Variants in USH2A observed in about 807,000 individuals in gnomAD.
USH2A encodes the protein Usher syndrome 2A (autosomal recessive, mild).
A neutral mutation model predicts 538.9 loss-of-function variants in USH2A; 443 were observed. The observed-to-expected ratio is 0.82, with a 90% confidence interval of 0.76 to 0.89. USH2A has a LOEUF of 0.89. Ranked by LOEUF, USH2A falls within the 40% of genes least tolerant of loss-of-function variation. USH2A has a pLI of 0.00. For missense variants in USH2A, 6,633 were observed against 6,324.8 expected (o/e 1.05, Z -1.65); for synonymous variants, 2,413 against 2,273.5 (o/e 1.06, Z -1.75).
chr1:215,845,021 A>AATCAT (rs1294676145), intron 45 of USH2A, among the ~76,000 whole-genome samples: 3 of 151,648 alleles, frequency 2.0e-5, no homozygotes, highest in Admixed American at 6.5e-5. Context: ...TACCATAGGT[A>AATCAT]ATGATGAAAT....
chr1:215,768,580 T>A (rs1661195181), intron 55 of USH2A, among the ~76,000 whole-genome samples: 2 of 152,178 alleles, frequency 1.3e-5, no homozygotes, highest in African/African-American at 4.8e-5. Flanking sequence ...GATTTACAGA[T>A]GAAGAATATG....
In USH2A at chr1:215,671,298, A is replaced by G. The variant is rs371583628; in HGVS notation, c.13812-5T>C. 191 of 1,613,898 alleles carry G rather than the reference A, an allele frequency of 1.2e-4. No homozygotes were observed. Among genetic ancestry groups the G allele is most frequent in the Non-Finnish European group, 1.6e-4 (183 of 1,179,990 alleles). On this transcript the variant is annotated splice_polypyrimidine_tract_variant and splice_region_variant and intron_variant, in intron 63 of 71. Transcript: ENST00000307340. ...GCTTGAATTCGTATTTCATACCTTC[A>G]GGACATAAGGCAGAAATTAGTGATT...
At chr1:216,224,655 C>CTATTT in intron 14 of USH2A, among the ~76,000 whole-genome samples, 1 of 152,098 alleles carries the variant, frequency 6.6e-6, no homozygotes, top group Non-Finnish European at 1.5e-5. Flanking sequence ...GGGCCGAGGT[C>CTATTT]TATTTTATTT....
rs1032219832 is a variant in USH2A, at chr1:216,025,243, TCAAA to T, written c.6325+21184_6325+21187del. Among the ~76,000 whole-genome samples, 47 of 151,984 alleles carry T rather than the reference TCAAA, an allele frequency of 3.1e-4. No individual in the cohort carries two copies. In the Middle Eastern group the frequency reaches 0.014, roughly 44 times the overall value. On this transcript the variant is annotated intron_variant, in intron 32 of 71. Transcript: ENST00000307340. ...GAGTATTGATGGGCTTCTATGCCCA[TCAAA>T]CAGAGAAAATAAATTAATATATACA...
chr1:216,027,493 G>T (rs1033821799), intron 32 of USH2A, among the ~76,000 whole-genome samples: 1 of 152,160 alleles, frequency 6.6e-6, no homozygotes, highest in Non-Finnish European at 1.5e-5. Context: ...GAGTGGATTA[G>T]AAATATACGT....
intron 20 of USH2A, among the ~76,000 whole-genome samples, chr1:216,182,023 T>C (rs1048652257): frequency 6.6e-6 from 1 of 152,098 alleles, no homozygotes; most frequent in East Asian, 1.9e-4. Flanking sequence ...ATTCTCTAAC[T>C]TCCAAAAGCT....
At chr1:215,693,116 GTATA>G (rs1553253927) in intron 61 of USH2A, among the ~76,000 whole-genome samples, 1 of 133,534 alleles carries the variant, frequency 7.5e-6, no homozygotes. Context: ...GTGTGTATGT[GTATA>G]TATATATATA....
chr1:215,917,632 C>A (rs2102485416), intron 38 of USH2A, among the ~76,000 whole-genome samples: 1 of 151,588 alleles, frequency 6.6e-6, no homozygotes, highest in African/African-American at 2.4e-5. Context: ...ATGTATCCAA[C>A]AAGAAAAATA....
chr1:215,867,723 G>A (rs906393044), intron 43 of USH2A, among the ~76,000 whole-genome samples: 1 of 152,212 alleles, frequency 6.6e-6, no homozygotes, highest in African/African-American at 2.4e-5. Flanking sequence ...TTCTCCCGCT[G>A]AGAGTTTTGC....
chr1:216,208,407 A>G (rs1396878831), intron 15 of USH2A, among the ~76,000 whole-genome samples: 1 of 152,178 alleles, frequency 6.6e-6, no homozygotes, highest in Non-Finnish European at 1.5e-5. Flanking sequence ...TTGTTAAGAA[A>G]TATGTAAATG....
At chr1:216,020,339 A>G (rs1311559266) in intron 32 of USH2A, among the ~76,000 whole-genome samples, 1 of 152,136 alleles carries the variant, frequency 6.6e-6, no homozygotes, top group Non-Finnish European at 1.5e-5. Flanking sequence ...CTTTAAGTAA[A>G]TTACCCTACA....
intron 41 of USH2A, among the ~76,000 whole-genome samples, chr1:215,885,113 G>A (rs1665012893): frequency 6.6e-6 from 1 of 151,814 alleles, no homozygotes; most frequent in Admixed American, 6.6e-5. Context: ...CAGTACAGCA[G>A]TTTATACATT....
At chr1:215,917,797 A>T (rs1269584548) in intron 38 of USH2A, among the ~76,000 whole-genome samples, 2 of 143,022 alleles carry the variant, frequency 1.4e-5, no homozygotes, top group Non-Finnish European at 3.1e-5. Flanking sequence ...AAAAAAAAAA[A>T]AAAAAAAAAT....
intron 30 of USH2A, among the ~76,000 whole-genome samples, chr1:216,061,031 G>C (rs1305248519): frequency 1.3e-5 from 2 of 152,202 alleles, no homozygotes; most frequent in Non-Finnish European, 2.9e-5. Flanking sequence ...CTCTGGCTGA[G>C]GGAATGAACC....
chr1:215,917,827 G>C (rs1665999530), intron 38 of USH2A, among the ~76,000 whole-genome samples: 1 of 151,190 alleles, frequency 6.6e-6, no homozygotes, highest in Admixed American at 6.6e-5. Flanking sequence ...GCTGGATGTG[G>C]TGGTGCATGC....
intron 21 of USH2A, among the ~76,000 whole-genome samples, chr1:216,173,582 TA>T (rs998981008): frequency 2.6e-5 from 4 of 152,160 alleles, no homozygotes; most frequent in African/African-American, 9.7e-5. Context: ...CTAACTTTTT[TA>T]AAGAGGAATT....
chr1:215,997,213 C>T (rs1668161497), intron 34 of USH2A, among the ~76,000 whole-genome samples: 1 of 152,092 alleles, frequency 6.6e-6, no homozygotes, highest in African/African-American at 2.4e-5. Flanking sequence ...TTATTTTCTG[C>T]CCTAATAAAT....
intron 47 of USH2A, among the ~76,000 whole-genome samples, chr1:215,821,236 T>A (rs988657255): frequency 6.6e-6 from 1 of 151,786 alleles, no homozygotes; most frequent in African/African-American, 2.4e-5. Flanking sequence ...TTTCTCCACA[T>A]CTTCACCAGC....
At chr1:216,128,308 C>T (rs1043820553) in intron 21 of USH2A, among the ~76,000 whole-genome samples, 6 of 151,972 alleles carry the variant, frequency 3.9e-5, no homozygotes, top group South Asian at 2.1e-4. Flanking sequence ...TAAAGAGTAA[C>T]GCAATGAGGC....
Sources: gnomAD v4.1 joint callset for allele counts (sites outside exome capture counted in the v4.1 genomes callset) on GRCh38, gnomAD v4.1.1 for gene constraint, MANE v1.5 for transcripts, NCBI Gene and HGNC (gene_info 2026-07-23, HGNC 2026-07-21) for gene names.